CACNB4: variants seen among roughly 807,000 people sequenced by gnomAD.
CACNB4 encodes the protein voltage-dependent L-type calcium channel subunit beta-4.
In CACNB4, 32 loss-of-function variants were observed where a neutral mutation model predicts 71.2. The ratio of observed to expected loss-of-function variants is 0.45; its 90% CI spans 0.34 to 0.60. The LOEUF is 0.60. Ranked by LOEUF, CACNB4 falls within the 20% of genes least tolerant of loss-of-function variation. The pLI is 0.01. For missense variants in CACNB4, 464 were observed against 647.9 expected (o/e 0.72, Z 3.08); for synonymous variants, 231 against 236.9 (o/e 0.97, Z 0.23).
At chr2:151,869,287 AGAGAAGTCAAAAGGGAGAGAG>A in intron 8 of CACNB4, 52 bp from the exon 9 acceptor site, 2 of 1,096,950 alleles carry the variant, frequency 1.8e-6, no homozygotes, top group Non-Finnish European at 2.7e-6. Context: ...AGAGAGAGAG[AGAGAAGTCAAAAGGGAGAGAG>A]GAGGGAGGGA....
intron 2 of CACNB4, among the ~76,000 whole-genome samples, chr2:151,949,692 C>G (rs1168290895): frequency 6.6e-6 from 1 of 152,054 alleles, no homozygotes; most frequent in African/African-American, 2.4e-5. Flanking sequence ...GTTCTGAAGG[C>G]CATGGAGGAC....
intron 2 of CACNB4, among the ~76,000 whole-genome samples, chr2:152,088,709 A>G (rs1687808961): frequency 6.6e-6 from 1 of 152,198 alleles, no homozygotes; most frequent in Admixed American, 6.5e-5. Context: ...TACAGCCCTT[A>G]CCTAACTAAT....
intron 2 of CACNB4, among the ~76,000 whole-genome samples, chr2:151,940,410 G>A (rs1219286134): frequency 5.9e-5 from 9 of 152,182 alleles, no homozygotes; most frequent in Non-Finnish European, 1.2e-4. Context: ...GCAGGAAAGG[G>A]TTAAGTGTTG....
rs575104617 is a variant in CACNB4, at chr2:152,085,751, G to A, written c.147+12579C>T. 3.3e-5 allele frequency among the ~76,000 whole-genome samples: 5 copies of A among 150,926 alleles called. No individual in the cohort carries two copies. The East Asian group carries it at 5.8e-4, about 18-fold the overall frequency. ...ATAATGGCGGATGTTTTTAACATAC[G>A]TGTATGTTGGACATACGTTTTGCCT... On this transcript the variant is annotated intron_variant, in intron 2 of 13. Coordinates refer to ENST00000539935, the MANE Select transcript of CACNB4 (RefSeq NM_000726.5).
intron 2 of CACNB4, among the ~76,000 whole-genome samples, chr2:151,947,263 C>A (rs62175745): frequency 1.3e-5 from 2 of 152,144 alleles, no homozygotes; most frequent in Admixed American, 1.3e-4. Context: ...GAGAAGATGT[C>A]CAGGGCTTGC....
chr2:152,004,301 C>T (rs1560124662), intron 2 of CACNB4, among the ~76,000 whole-genome samples: 1 of 152,128 alleles, frequency 6.6e-6, no homozygotes, highest in South Asian at 2.1e-4. Flanking sequence ...GAGGTTCAGG[C>T]ACTACCTAGT....
chr2:151,841,459 A>ATTTGG (rs1190673825), intron 13 of CACNB4, among the ~76,000 whole-genome samples: 2 of 151,992 alleles, frequency 1.3e-5, no homozygotes, highest in African/African-American at 4.8e-5. Flanking sequence ...ATGTGCCTGT[A>ATTTGG]GTCCCAGCTA....
At position 151,876,471 on chromosome 2, in the gene CACNB4, T is replaced by C. The variant is rs984083667; in HGVS notation, c.476A>G (p.Asn159Ser). The C allele has an allele frequency of 1.9e-6, 3 of 1,605,572 alleles. No homozygotes were observed. The highest frequency in any genetic ancestry group is 2.6e-6 in the Non-Finnish European group (3 of 1,174,302). Reference protein sequence around the residue: ...GFIPSPLRLENIRIQQEQKRG... With the variant: ...GFIPSPLRLESIRIQQEQKRG... ...TTTTTGTTCTTGCTGGATCCGTATG[T>C]TCTCCAATCTGAGTGGACTTGGAAT... Residue 159 changes from asparagine (N) to serine (S), a missense_variant, in exon 5 of 14, where the codon AAC becomes AGC. This residue lies in a region of CACNB4 where 299 missense variants were observed against 471.7 expected (regional missense o/e 0.63). Transcript: ENST00000539935.
chr2:152,083,409 C>T (rs1289008098), intron 2 of CACNB4, among the ~76,000 whole-genome samples: 2 of 151,956 alleles, frequency 1.3e-5, no homozygotes, highest in Admixed American at 1.3e-4. Flanking sequence ...AAGAAGGCAC[C>T]TCTCCTTTTT....
chr2:151,918,087 G>A (rs2099858013), intron 2 of CACNB4, among the ~76,000 whole-genome samples: 1 of 152,106 alleles, frequency 6.6e-6, no homozygotes, highest in Non-Finnish European at 1.5e-5. Flanking sequence ...TCCACATTAA[G>A]ATACAACAGC....
intron 2 of CACNB4, among the ~76,000 whole-genome samples, chr2:152,051,917 G>C (rs908095568): frequency 4.3e-4 from 66 of 152,198 alleles, no homozygotes; most frequent in Non-Finnish European, 1.2e-4. Context: ...AGTTTTTGTA[G>C]TTTATGTAGC....
intron 2 of CACNB4, among the ~76,000 whole-genome samples, chr2:152,077,163 G>C: frequency 6.6e-6 from 1 of 152,318 alleles, no homozygotes; most frequent in Middle Eastern, 3.4e-3. Context: ...GCTCATGCCT[G>C]TAATCCCAGC....
At chr2:151,999,080 G>A (rs1159243688) in intron 2 of CACNB4, among the ~76,000 whole-genome samples, 1 of 152,200 alleles carries the variant, frequency 6.6e-6, no homozygotes, top group Non-Finnish European at 1.5e-5. Context: ...GCGGCTGTCA[G>A]CTGCTTGGCA....
rs556761275 is a variant in CACNB4, at chr2:151,839,115, A to G, written c.*4T>C. The G allele has an allele frequency of 3.3e-4, 527 of 1,602,246 alleles. 4 individuals are homozygous for G. The Middle Eastern group carries it at 4.0e-3, about 12-fold the overall frequency. Reference sequence around the variant, plus strand: ...ACAGATGAATATTTTTTGTTTCATTAGACTCAAAGCCTATGTCGGGAGTCA... The same window carrying G: ...ACAGATGAATATTTTTTGTTTCATTGGACTCAAAGCCTATGTCGGGAGTCA... On this transcript the variant is annotated 3_prime_UTR_variant, in exon 14 of 14. Transcript: ENST00000539935.
At chr2:152,073,281 C>A (rs1411046157) in intron 2 of CACNB4, among the ~76,000 whole-genome samples, 2 of 152,112 alleles carry the variant, frequency 1.3e-5, no homozygotes, top group African/African-American at 4.8e-5. Context: ...TTGAAGGGAG[C>A]CAGTCGAGAA....
chr2:151,879,243 G>A (rs2099847230), intron 4 of CACNB4, among the ~76,000 whole-genome samples: 2 of 152,302 alleles, frequency 1.3e-5, no homozygotes, highest in East Asian at 3.9e-4. Context: ...ACTTTAAAGG[G>A]CTTGCTGAAA....
chr2:151,990,514 T>C (rs898064320), intron 2 of CACNB4, among the ~76,000 whole-genome samples: 6 of 152,280 alleles, frequency 3.9e-5, no homozygotes, highest in South Asian at 2.1e-4. Context: ...CAGGCAACAA[T>C]GTGAGCTCCA....
intron 13 of CACNB4, among the ~76,000 whole-genome samples, chr2:151,840,358 CATT>C (rs2099835863): frequency 6.6e-6 from 1 of 152,202 alleles, no homozygotes; most frequent in Non-Finnish European, 1.5e-5. Context: ...CACATTAACT[CATT>C]AGTGAAACAG....
At position 151,999,887 on chromosome 2, in the gene CACNB4, C is replaced by T. The variant is rs1043489265; in HGVS notation, c.147+98443G>A. On this transcript the variant is annotated intron_variant, in intron 2 of 13. Transcript: ENST00000539935. ...TCCCAAATTCATTTCTTCCTGTGTA[C>T]CCTCAGTAATAACACTTCCCACCTA... Among the ~76,000 whole-genome samples, 3 of 152,098 alleles carry T rather than the reference C, an allele frequency of 2.0e-5. No individual in the cohort carries two copies. In the South Asian group the frequency reaches 6.2e-4, roughly 32 times the overall value.
Sources: gnomAD v4.1 joint callset for allele counts (sites outside exome capture counted in the v4.1 genomes callset) on GRCh38, gnomAD v4.1.1 for gene constraint, gnomAD v4.1.1 regional missense constraint, MANE v1.5 for transcripts, NCBI Gene and HGNC (gene_info 2026-07-23, HGNC 2026-07-21) for gene names.